The following LIG1 variants were observed in gnomAD, a reference collection of about 807,000 sequenced individuals.
LIG1 encodes DNA ligase 1, also known as ligase I, DNA, ATP-dependent.
Under a neutral mutation model 115.7 loss-of-function variants are expected in LIG1, and 70 were observed. The observed-to-expected ratio is 0.60, with a 90% CI of 0.50 to 0.74. The LOEUF (loss-of-function observed/expected upper bound fraction) is 0.74. Ranked by LOEUF, LIG1 falls within the 30% of genes least tolerant of loss-of-function variation. The probability of loss-of-function intolerance (pLI) is 0.00; values close to 1 mark genes in which losing one functional copy is unlikely to be tolerated. For missense variants in LIG1, 1,115 were observed against 1,225.6 expected (o/e 0.91, Z 1.35); for synonymous variants, 487 against 495.3 (o/e 0.98, Z 0.22).
chr19:48,167,012 G>A (rs919157688), intron 1 of LIG1, among the ~76,000 whole-genome samples: 3 of 150,340 alleles, frequency 2.0e-5, no homozygotes, highest in Non-Finnish European at 3.0e-5. Context: ...AAAAGAAAGG[G>A]TTCTTAATCT....
intron 4 of LIG1, among the ~76,000 whole-genome samples, chr19:48,158,366 G>GACT (rs2035979028): frequency 6.6e-6 from 1 of 151,732 alleles, no homozygotes; most frequent in African/African-American, 2.4e-5. Context: ...CACAGAGGAA[G>GACT]CCTGGGCCTC....
chr19:48,118,249 C>T (rs2033004385), intron 25 of LIG1, among the ~76,000 whole-genome samples: 1 of 152,182 alleles, frequency 6.6e-6, no homozygotes, highest in African/African-American at 2.4e-5. Context: ...TCCCCACCCA[C>T]ATCTTGTCTT....
chr19:48,140,597 C>T (rs769958190), intron 11 of LIG1, among the ~76,000 whole-genome samples: 10 of 152,166 alleles, frequency 6.6e-5, no homozygotes, highest in Middle Eastern at 3.2e-3. Flanking sequence ...TTAGGGGTCA[C>T]GCAGCCTCTG....
At chr19:48,124,375 C>T (rs1039030925) in intron 21 of LIG1, among the ~76,000 whole-genome samples, 25 of 152,188 alleles carry the variant, frequency 1.6e-4, no homozygotes, top group Non-Finnish European at 2.2e-4. Context: ...TTCAGGCAAG[C>T]GTTTCCCTCT....
At chr19:48,127,831 GGGCA>G in intron 20 of LIG1, 75 bp downstream of exon 20, 1 of 1,204,404 alleles carries the variant, frequency 8.3e-7, no homozygotes, top group East Asian at 2.3e-5. Context: ...TCTGGGCACT[GGGCA>G]GGACCCACAG....
chr19:48,131,043 CTGGCAGAGTGCAAGTGTG>C lies in LIG1; in HGVS notation c.1821+15_1821+32del. The C allele has an allele frequency of 2.5e-6, 4 of 1,572,066 alleles. No individual in the cohort carries two copies. The highest frequency in any genetic ancestry group is 3.5e-6 in the Non-Finnish European group (4 of 1,141,636). On this transcript the variant is annotated intron_variant, in intron 19 of 27. Coordinates refer to ENST00000263274, the MANE Select transcript of LIG1 (RefSeq NM_000234.3). Reference sequence around the variant, plus strand: ...GCCTTTGCACCCCTGACCACAGACCCTGGCAGAGTGCAAGTGTGTGGCAGACGCCCACCTTGGGGATGC... The same window carrying C: ...GCCTTTGCACCCCTGACCACAGACCCTGGCAGACGCCCACCTTGGGGATGC...
At chr19:48,140,934 C>T (rs2060235) in intron 11 of LIG1, among the ~76,000 whole-genome samples, 45,957 of 152,090 alleles carry the variant, frequency 0.3, 8,002 homozygotes, top group East Asian at 0.55. Context: ...GCCAGCTCTG[C>T]GGGAATGACT....
At chr19:48,143,642 T>G (rs778848232) in intron 10 of LIG1, 43 bp from the exon 11 acceptor site, 2 of 1,513,416 alleles carry the variant, frequency 1.3e-6, no homozygotes, top group South Asian at 2.2e-5. Flanking sequence ...TGGTGCAGGC[T>G]ATACCATGCT....
chr19:48,161,059 G>A (rs900287859), intron 4 of LIG1: 2 of 413,266 alleles, frequency 4.8e-6, no homozygotes, highest in African/African-American at 4.1e-5. Context: ...TTTACCATCA[G>A]GCATTATTCT....
At position 48,137,757 on chromosome 19, in the gene LIG1, G is replaced by A. The variant is rs1337549998; in HGVS notation, c.1088-69C>T. 4.5e-6 allele frequency: 7 copies of A among 1,563,112 alleles called. No individual in the cohort carries two copies. The highest frequency in any genetic ancestry group is 1.4e-5 in the African/African-American group (1 of 74,070). ...TGGCTGCGTGTCTCCCTTCTCTCGC[G>A]GCCTGGATGAATTTTCTCCAGCTGT... On this transcript the variant is annotated intron_variant, in intron 12 of 27. Coordinates refer to ENST00000263274, the MANE Select transcript of LIG1 (RefSeq NM_000234.3). This position sits in a 1 kb window ranked among gnomAD's most constrained non-coding sequence, Gnocchi z 4.3.
chr19:48,124,142 A>T (rs1458332305), intron 21 of LIG1, among the ~76,000 whole-genome samples: 1 of 152,176 alleles, frequency 6.6e-6, no homozygotes, highest in Non-Finnish European at 1.5e-5. Context: ...CCCTTTGCTC[A>T]GGGCTTCTCT....
intron 3 of LIG1, 36 bp from the exon 4 acceptor site, chr19:48,161,543 C>G (rs1388409658): frequency 3.1e-6 from 5 of 1,610,936 alleles, no homozygotes; most frequent in Non-Finnish European, 4.2e-6. Flanking sequence ...AAAGGGGCGA[C>G]TACAGCAGGC....
At chr19:48,132,112 G>T (rs1272998015) in intron 18 of LIG1, among the ~76,000 whole-genome samples, 1 of 151,632 alleles carries the variant, frequency 6.6e-6, no homozygotes, top group Non-Finnish European at 1.5e-5. Context: ...TCATTTTTGT[G>T]GTTTTAGTAG....
At chr19:48,129,270 C>T (rs1233375196) in intron 19 of LIG1, among the ~76,000 whole-genome samples, 3 of 152,172 alleles carry the variant, frequency 2.0e-5, no homozygotes, top group Non-Finnish European at 4.4e-5. Flanking sequence ...AGGCTGGTCT[C>T]GAACTCCTAA....
chr19:48,141,290 C>T (rs1311501216), intron 11 of LIG1, among the ~76,000 whole-genome samples: 1 of 152,176 alleles, frequency 6.6e-6, no homozygotes, highest in Non-Finnish European at 1.5e-5. Context: ...CCACCATGCC[C>T]GGCTAATTTT....
In LIG1 at chr19:48,170,297, G is replaced by A. The variant is rs541632848; in HGVS notation, c.-114C>T. The A allele has an allele frequency of 8.8e-6, 4 of 453,154 alleles. No homozygotes were observed. The highest frequency in any genetic ancestry group is 1.8e-5 in the Non-Finnish European group (4 of 225,450). 28.1% of individuals were successfully genotyped at this position (453,154 alleles called of 1,614,324 possible). ...CAACACACTCAGATCCGCCAGGCGC[G>A]CCTCTGCAGTCCCAAGTTCGCGCCA... On this transcript the variant is annotated 5_prime_UTR_variant, in exon 1 of 28. Transcript: ENST00000263274.
At chr19:48,169,531 T>C (rs2036658136) in intron 1 of LIG1, 1 of 152,616 alleles carries the variant, frequency 6.6e-6, no homozygotes, top group Admixed American at 6.5e-5. Context: ...AAGCATACAT[T>C]AGGCCAGACG....
At chr19:48,136,421 A>G (rs2034394275) in intron 14 of LIG1, among the ~76,000 whole-genome samples, 2 of 152,286 alleles carry the variant, frequency 1.3e-5, no homozygotes, top group South Asian at 4.1e-4. Flanking sequence ...GAGGAGGATG[A>G]GTCAGGGAGA....
At chr19:48,126,745 ATTTT>A (rs758287154) in intron 21 of LIG1, among the ~76,000 whole-genome samples, 3 of 145,962 alleles carry the variant, frequency 2.1e-5, no homozygotes, top group Non-Finnish European at 3.0e-5. Flanking sequence ...AATAATATTA[ATTTT>A]TTTTTTTTTT....
Sources: allele counts gnomAD v4.1 joint callset (sites outside exome capture counted in the v4.1 genomes callset), GRCh38; gene constraint gnomAD v4.1.1; non-coding constraint Gnocchi (gnomAD v3.1); transcripts MANE v1.5; gene names NCBI Gene and HGNC (gene_info 2026-07-23, HGNC 2026-07-21).